The following COL14A1 variants were observed in gnomAD, a reference collection of about 807,000 sequenced individuals.
COL14A1 encodes the protein collagen type XIV alpha 1 chain, also known as collagen alpha-1(XIV) chain.
Under a neutral mutation model 230.3 loss-of-function variants are expected in COL14A1, and 136 were observed. The observed-to-expected ratio is 0.59, with a 90% CI of 0.51 to 0.68. The LOEUF (loss-of-function observed/expected upper bound fraction) is 0.68. COL14A1 is among the 30% of genes least tolerant of loss of function. The probability of loss-of-function intolerance (pLI) is 0.00; values close to 1 mark genes in which losing one functional copy is unlikely to be tolerated. For synonymous variants in COL14A1, 792 were observed against 784.1 expected, an observed-to-expected ratio of 1.01 and a Z score of -0.17; for missense variants, 1,976 against 2,215.8, an observed-to-expected ratio of 0.89 and a Z score of 2.17.
intron 5 of COL14A1, among the ~76,000 whole-genome samples, chr8:120,181,241 A>G (rs1816455019): frequency 6.6e-6 from 1 of 152,180 alleles, no homozygotes; most frequent in Admixed American, 6.5e-5. Flanking sequence ...ATATTTTACA[A>G]TTCTCTTTAG....
chr8:120,197,799 CT>C lies in COL14A1; in HGVS notation c.593-5del, dbSNP rs780849312. 7.1e-5 allele frequency: 113 copies of C among 1,596,882 alleles called. No individual in the cohort carries two copies. In the African/African-American group the frequency reaches 8.6e-4, roughly 12 times the overall value. ...CATTATTCCTGGTGCGTTTCCTAAT[CT>C]TTTTTTCCAGGTCTTGCACAGTATA... On this transcript the variant is annotated splice_polypyrimidine_tract_variant and intron_variant, in intron 6 of 47. Coordinates refer to ENST00000297848, the MANE Select transcript of COL14A1 (RefSeq NM_021110.4).
intron 4 of COL14A1, among the ~76,000 whole-genome samples, chr8:120,163,625 T>C (rs1815767150): frequency 6.6e-6 from 1 of 152,012 alleles, no homozygotes; most frequent in Non-Finnish European, 1.5e-5. Flanking sequence ...TAGCCGGGCG[T>C]GGTGGCACAC....
intron 45 of COL14A1, among the ~76,000 whole-genome samples, chr8:120,347,286 A>G (rs1043485041): frequency 2.6e-5 from 4 of 152,144 alleles, no homozygotes; most frequent in African/African-American, 9.7e-5. Flanking sequence ...CCATGATGTA[A>G]TTTTCTTACA....
At chr8:120,354,358 A>T (rs545658484) in intron 45 of COL14A1, among the ~76,000 whole-genome samples, 1 of 135,438 alleles carries the variant, frequency 7.4e-6, no homozygotes, top group Non-Finnish European at 1.5e-5. Context: ...AACCTGCACA[A>T]TGTGCACATG....
intron 5 of COL14A1, among the ~76,000 whole-genome samples, chr8:120,175,518 G>A (rs1373936183): frequency 1.3e-5 from 2 of 151,996 alleles, no homozygotes; most frequent in African/African-American, 4.8e-5. Context: ...TCATTTTCTG[G>A]GGGAAAAATG....
At chr8:120,268,857 T>G (rs1457284289) in intron 25 of COL14A1, among the ~76,000 whole-genome samples, 1 of 151,716 alleles carries the variant, frequency 6.6e-6, no homozygotes, top group Admixed American at 6.6e-5. Context: ...AAACCTAATT[T>G]TCATTTTTAT....
At chr8:120,370,987 G>A (rs1274296992) in intron 47 of COL14A1, 165 bp from the exon 48 acceptor site, 1 of 1,073,160 alleles carries the variant, frequency 9.3e-7, no homozygotes, top group East Asian at 2.5e-5. Context: ...TTTACTAACT[G>A]TCTGAAACCT....
At chr8:120,311,421 T>C (rs1821032994) in intron 37 of COL14A1, among the ~76,000 whole-genome samples, 1 of 152,176 alleles carries the variant, frequency 6.6e-6, no homozygotes, top group South Asian at 2.1e-4. Flanking sequence ...AATGAGTTCG[T>C]AGATGTTTGG....
chr8:120,164,876 G>C (rs1280769262), intron 4 of COL14A1, among the ~76,000 whole-genome samples: 1 of 152,146 alleles, frequency 6.6e-6, no homozygotes, highest in Non-Finnish European at 1.5e-5. Flanking sequence ...TCTAGTCTGA[G>C]GTTTTGCAAT....
At chr8:120,308,164 T>C (rs969907153) in intron 36 of COL14A1, among the ~76,000 whole-genome samples, 6 of 152,182 alleles carry the variant, frequency 3.9e-5, no homozygotes, top group Admixed American at 3.9e-4. Context: ...GTATTTTTAA[T>C]AGAGATGGGG....
rs56885327 is a variant in COL14A1 at position 120,326,087 on chromosome 8, A to G, written c.4660-6054A>G. ...CTTCTGCTACTGCTGCTCACCCTGA[A>G]ATGAAGATGTGAGAAGAAGGGCCTG... is the stretch of plus-strand genomic sequence containing the variant. On this transcript the variant is annotated intron_variant, in intron 40 of 47. Transcript: ENST00000297848. Among the ~76,000 whole-genome samples, 243 of 152,278 alleles carry G rather than the reference A, an allele frequency of 1.6e-3. 2 individuals are homozygous for G. The highest frequency in any genetic ancestry group is 5.6e-3 in the African/African-American group (233 of 41,550).
At chr8:120,303,449 G>T (rs1001597591) in intron 36 of COL14A1, among the ~76,000 whole-genome samples, 4 of 152,054 alleles carry the variant, frequency 2.6e-5, no homozygotes, top group Non-Finnish European at 5.9e-5. Context: ...TTAACATGAA[G>T]GATGTTGAAT....
chr8:120,127,979 T>TC (rs1026947181), intron 1 of COL14A1, among the ~76,000 whole-genome samples: 2 of 151,978 alleles, frequency 1.3e-5, no homozygotes, highest in Non-Finnish European at 2.9e-5. Flanking sequence ...CACTAGTTGA[T>TC]CCCCCCAGGG....
intron 26 of COL14A1, among the ~76,000 whole-genome samples, chr8:120,276,623 G>T (rs531906564): frequency 3.3e-5 from 5 of 151,828 alleles, no homozygotes; most frequent in Admixed American, 1.3e-4. Flanking sequence ...TGCTCAGAAT[G>T]CTGGTTTCCA....
At chr8:120,163,306 T>C (rs1815752695) in intron 4 of COL14A1, among the ~76,000 whole-genome samples, 2 of 152,158 alleles carry the variant, frequency 1.3e-5, no homozygotes. Context: ...AGGATAGGCA[T>C]GGGAAAGCTT....
intron 14 of COL14A1, among the ~76,000 whole-genome samples, chr8:120,221,145 T>A (rs1022801232): frequency 1.2e-4 from 19 of 152,276 alleles, no homozygotes; most frequent in African/African-American, 3.6e-4. Context: ...TTTTGGATTT[T>A]GAGAGGCCGG....
intron 23 of COL14A1, among the ~76,000 whole-genome samples, chr8:120,261,462 A>G (rs543366182): frequency 6.6e-6 from 1 of 152,336 alleles, no homozygotes; most frequent in South Asian, 2.1e-4. Flanking sequence ...ATTAAATAGC[A>G]AGCACAGAAC....
chr8:120,332,813 T>C, intron 42 of COL14A1, 78 bp downstream of exon 42: 1 of 1,170,438 alleles, frequency 8.5e-7, no homozygotes, highest in Admixed American at 2.2e-5. Context: ...TACCAGCCTT[T>C]CTGTTAGTCA....
intron 19 of COL14A1, among the ~76,000 whole-genome samples, chr8:120,239,659 T>C (rs376917390): frequency 2.0e-5 from 3 of 152,210 alleles, no homozygotes; most frequent in Admixed American, 6.5e-5. Flanking sequence ...TGGTTCATGA[T>C]TGGCAAATTC....
Sources: allele counts gnomAD v4.1 joint callset (sites outside exome capture counted in the v4.1 genomes callset), GRCh38; gene constraint gnomAD v4.1.1; transcripts MANE v1.5; gene names NCBI Gene and HGNC (gene_info 2026-07-23, HGNC 2026-07-21).